The following AP1B1 variants were observed in gnomAD, a reference collection of about 807,000 sequenced individuals.
AP1B1 encodes the protein adaptor related protein complex 1 subunit beta 1, also known as AP-1 complex subunit beta-1.
A neutral mutation model predicts 104.3 loss-of-function variants in AP1B1; 36 were observed. The observed-to-expected ratio is 0.35, with a 90% CI of 0.26 to 0.46. The LOEUF (loss-of-function observed/expected upper bound fraction) is 0.46, where lower values mean the gene tolerates loss of function less well. Ranked by LOEUF, AP1B1 falls within the 20% of genes least tolerant of loss-of-function variation. The pLI, the probability that AP1B1 is intolerant of heterozygous loss-of-function variation, is 1.00. For missense variants in AP1B1, 901 were observed against 1,247.9 expected, an observed-to-expected ratio of 0.72 and a Z score of 4.19; for synonymous variants, 504 against 517.5, an observed-to-expected ratio of 0.97 and a Z score of 0.35.
chr22:29,355,253 G>A (rs2061938618), intron 6 of AP1B1, among the ~76,000 whole-genome samples: 2 of 147,346 alleles, frequency 1.4e-5, no homozygotes, highest in South Asian at 4.4e-4. Flanking sequence ...AAAAAAAATA[G>A]CATGTTCAGC....
chr22:29,362,155 T>A (rs2062058028), intron 3 of AP1B1, among the ~76,000 whole-genome samples: 2 of 151,750 alleles, frequency 1.3e-5, no homozygotes, highest in African/African-American at 2.4e-5. Flanking sequence ...AGGGGAAGCA[T>A]GAGCCAAGGT....
chr22:29,360,155 G>A (rs1346629512), intron 3 of AP1B1, among the ~76,000 whole-genome samples, 196 bp from the exon 4 acceptor site: 1 of 152,148 alleles, frequency 6.6e-6, no homozygotes, highest in Non-Finnish European at 1.5e-5. Flanking sequence ...ATCCCAAAGG[G>A]TAATTTTAAA....
intron 7 of AP1B1, among the ~76,000 whole-genome samples, chr22:29,353,840 G>A (rs1285970135): frequency 6.6e-6 from 1 of 152,206 alleles, no homozygotes; most frequent in East Asian, 1.9e-4. Context: ...GGTTGCTACT[G>A]TCAAGTCCCC....
At chr22:29,344,317 A>C (rs2061757153) in intron 11 of AP1B1, among the ~76,000 whole-genome samples, 2 of 151,996 alleles carry the variant, frequency 1.3e-5, no homozygotes, top group Admixed American at 1.3e-4. Flanking sequence ...GTATTGCCAG[A>C]GGGAGGTCTG....
chr22:29,340,722 TG>T lies in AP1B1; in HGVS notation c.1931del (p.Pro644HisfsTer23). 6.3e-7 allele frequency: 1 copy of T among 1,591,520 alleles called. No homozygotes were observed. The highest frequency in any genetic ancestry group is 8.5e-7 in the Non-Finnish European group (1 of 1,169,696). ...TCTGCACCGAGGAGGTGGCCAGGGGTGGGCCGCTCACTGGGGGGCCGAGGTC... is the reference window on the plus strand; with the variant it reads ...TCTGCACCGAGGAGGTGGCCAGGGGTGGCCGCTCACTGGGGGGCCGAGGTC... ...NLDLGPPVSG[P>X]PLATSSVQMG... On this transcript the variant is annotated frameshift_variant, in exon 14 of 23. Transcript: ENST00000357586. LOFTEE classifies it high-confidence loss of function.
At chr22:29,329,208 C>G in intron 22 of AP1B1, 1 of 1,222,696 alleles carries the variant, frequency 8.2e-7, no homozygotes, top group Non-Finnish European at 1.0e-6. Flanking sequence ...GAGGGCTGCC[C>G]GGCCCCCCAG....
intron 1 of AP1B1, among the ~76,000 whole-genome samples, chr22:29,371,670 G>A (rs2062240379): frequency 6.6e-6 from 1 of 152,136 alleles, no homozygotes; most frequent in East Asian, 1.9e-4. Context: ...GGAGCTTGCA[G>A]TGAGCAGAGA....
chr22:29,328,677 G>T lies in AP1B1; in HGVS notation c.*144C>A. 2.9e-6 allele frequency: 3 copies of T among 1,025,664 alleles called. No individual in the cohort carries two copies. The highest frequency in any genetic ancestry group is 2.5e-5 in the Admixed American group (1 of 40,418). The allele number at this position is 1,025,664 out of a possible 1,614,324, so 63.5% of individuals were successfully genotyped here. On this transcript the variant is annotated 3_prime_UTR_variant, in exon 23 of 23. Transcript: ENST00000357586. This position sits in a 1 kb window ranked among gnomAD's most constrained non-coding sequence, Gnocchi z 4.1. ...GGTGGTGCCCTACCCCAGGGATCGGGTGGGTTCTGCCATCAGGACCAGGGA... is the reference window on the plus strand; with the variant it reads ...GGTGGTGCCCTACCCCAGGGATCGGTTGGGTTCTGCCATCAGGACCAGGGA...
chr22:29,374,155 C>T (rs867722984), intron 1 of AP1B1, among the ~76,000 whole-genome samples: 5 of 140,210 alleles, frequency 3.6e-5, no homozygotes, highest in Non-Finnish European at 6.2e-5. Context: ...AAGCCAAGAT[C>T]GGCGCCACTG....
intron 11 of AP1B1, among the ~76,000 whole-genome samples, chr22:29,344,514 A>ATTTTTTT (rs35466454): frequency 1.1e-5 from 1 of 93,808 alleles, no homozygotes; most frequent in Non-Finnish European, 2.0e-5. Flanking sequence ...CCTGGCCAAG[A>ATTTTTTT]TTTTTTTTTT....
chr22:29,329,372 G>A, intron 22 of AP1B1: 2 of 1,234,250 alleles, frequency 1.6e-6, no homozygotes, highest in Non-Finnish European at 2.0e-6. Flanking sequence ...TCCGCTCTGG[G>A]GCCTGAGCTT....
At chr22:29,367,547 G>A (rs1260009563) in intron 1 of AP1B1, among the ~76,000 whole-genome samples, 3 of 146,438 alleles carry the variant, frequency 2.0e-5, no homozygotes, top group South Asian at 2.1e-4. Flanking sequence ...CAATCCTCCT[G>A]CCTCGGCCTC....
At chr22:29,369,100 C>T (rs1220790286) in intron 1 of AP1B1, among the ~76,000 whole-genome samples, 2 of 152,090 alleles carry the variant, frequency 1.3e-5, no homozygotes, top group East Asian at 1.9e-4. Flanking sequence ...GGGACTCAAA[C>T]AAATAACCCA....
At chr22:29,334,567 C>T (rs2061610053) in intron 16 of AP1B1, among the ~76,000 whole-genome samples, 157 bp from the exon 17 acceptor site, 1 of 152,204 alleles carries the variant, frequency 6.6e-6, no homozygotes. Context: ...CAGGTGTGTA[C>T]TGGGAACAGA....
intron 7 of AP1B1, 27 bp downstream of exon 7, chr22:29,354,623 T>C (rs1480045019): frequency 1.1e-5 from 17 of 1,600,182 alleles, no homozygotes; most frequent in African/African-American, 5.4e-5. Context: ...GGGGTACGCA[T>C]GGACGTGCGT....
rs1020127117 is a variant in AP1B1 at position 29,379,988 on chromosome 22, G to A, written c.-28+8436C>T. Among the ~76,000 whole-genome samples, 3 of 152,274 alleles carry A rather than the reference G, an allele frequency of 2.0e-5. No individual in the cohort carries two copies. The South Asian group carries it at 6.2e-4, about 32-fold the overall frequency. On this transcript the variant is annotated intron_variant, in intron 1 of 22. Coordinates refer to ENST00000357586, the MANE Select transcript of AP1B1 (RefSeq NM_001127.4). ...AAGAAGTCTGTGAGCCCCGCTGCCT[G>A]GCTGAAGGAAAGGACCTGGAAGGGA...
At chr22:29,342,752 A>G (rs1214116118) in intron 11 of AP1B1, among the ~76,000 whole-genome samples, 1 of 152,134 alleles carries the variant, frequency 6.6e-6, no homozygotes, top group Non-Finnish European at 1.5e-5. Context: ...ATCTGTCAAC[A>G]AGTGGCGACA....
Position 29,341,772 on chromosome 22 carries a change from G to A in AP1B1, c.1537-12C>T, listed in dbSNP as rs1290562438. On this transcript the variant is annotated splice_polypyrimidine_tract_variant and intron_variant, in intron 12 of 22. Coordinates refer to ENST00000357586, the MANE Select transcript of AP1B1 (RefSeq NM_001127.4). ...GGGTTATCTGAGTCCTTGTGGGGGTGAGGAGAAGCCCATGAAACTCAGAGT... is the reference window on the plus strand; with the variant it reads ...GGGTTATCTGAGTCCTTGTGGGGGTAAGGAGAAGCCCATGAAACTCAGAGT... The A allele has an allele frequency of 2.5e-6, 4 of 1,596,926 alleles. No homozygotes were observed. Among genetic ancestry groups the A allele is most frequent in the Non-Finnish European group, 2.6e-6 (3 of 1,167,864 alleles).
chr22:29,384,800 G>A (rs1318930643), intron 1 of AP1B1, among the ~76,000 whole-genome samples: 1 of 152,050 alleles, frequency 6.6e-6, no homozygotes, highest in Non-Finnish European at 1.5e-5. Flanking sequence ...CCCGGGAGGC[G>A]GAGGTTGCAG....
Sources: gnomAD v4.1 joint callset for allele counts (sites outside exome capture counted in the v4.1 genomes callset) on GRCh38, gnomAD v4.1.1 for gene constraint, Gnocchi (gnomAD v3.1) non-coding constraint, MANE v1.5 for transcripts, NCBI Gene and HGNC (gene_info 2026-07-23, HGNC 2026-07-21) for gene names.